Variants in ELAPOR2 observed in about 807,000 individuals in gnomAD.
The protein encoded by ELAPOR2 is endosome-lysosome associated apoptosis and autophagy regulator family member 2.
Under a neutral mutation model 120.7 loss-of-function variants are expected in ELAPOR2, and 89 were observed. That is an observed-to-expected ratio of 0.74 (90% CI 0.62 to 0.88). The LOEUF (loss-of-function observed/expected upper bound fraction) is 0.88, where lower values mean the gene tolerates loss of function less well. Ranked by LOEUF, ELAPOR2 falls within the 40% of genes least tolerant of loss-of-function variation. The pLI, the probability that ELAPOR2 is intolerant of heterozygous loss-of-function variation, is 0.00. For synonymous variants in ELAPOR2, 444 were observed against 444.9 expected (o/e 1.00, Z 0.03); for missense variants, 1,134 against 1,251.6 (o/e 0.91, Z 1.42).
At chr7:87,050,718 G>A (rs927754886) in intron 1 of ELAPOR2, among the ~76,000 whole-genome samples, 1 of 152,176 alleles carries the variant, frequency 6.6e-6, no homozygotes, top group African/African-American at 2.4e-5. Context: ...CTATCTCTGA[G>A]CTGCACTGTG....
chr7:86,939,017 C>A, intron 6 of ELAPOR2, 57 bp from the exon 7 acceptor site: 1 of 1,590,776 alleles, frequency 6.3e-7, no homozygotes, highest in South Asian at 1.1e-5. Context: ...ATAAGCAAAT[C>A]AGCACCTACT....
intron 1 of ELAPOR2, among the ~76,000 whole-genome samples, chr7:87,050,475 C>T (rs1213443115): frequency 6.6e-6 from 1 of 152,168 alleles, no homozygotes; most frequent in African/African-American, 2.4e-5. Context: ...TTGCCTTCCA[C>T]CATGACTGTA....
intron 20 of ELAPOR2, among the ~76,000 whole-genome samples, chr7:86,892,517 G>GT (rs954364136): frequency 1.9e-4 from 29 of 151,656 alleles, no homozygotes; most frequent in Middle Eastern, 3.4e-3. Context: ...ACTAGGTCTG[G>GT]TTTTTTTTGC....
intron 1 of ELAPOR2, among the ~76,000 whole-genome samples, chr7:86,967,711 T>C (rs1791959934): frequency 6.6e-6 from 1 of 152,146 alleles, no homozygotes; most frequent in African/African-American, 2.4e-5. Flanking sequence ...GGAAAAGGTA[T>C]TGTGTTTTCT....
At chr7:86,946,588 T>G (rs182097190) in intron 3 of ELAPOR2, among the ~76,000 whole-genome samples, 2 of 152,224 alleles carry the variant, frequency 1.3e-5, no homozygotes, top group Admixed American at 6.5e-5. Context: ...GGTTTCTCCA[T>G]GTTGGTCAGG....
intron 10 of ELAPOR2, among the ~76,000 whole-genome samples, chr7:86,923,389 C>T (rs893904877): frequency 6.6e-6 from 1 of 151,782 alleles, no homozygotes; most frequent in African/African-American, 2.4e-5. Context: ...CACACGTACC[C>T]CCAAAATATA....
intron 1 of ELAPOR2, among the ~76,000 whole-genome samples, chr7:87,002,245 T>C (rs930721855): frequency 6.6e-6 from 1 of 152,134 alleles, no homozygotes; most frequent in Non-Finnish European, 1.5e-5. Flanking sequence ...TTATGCACAG[T>C]TACTAGTTGT....
In ELAPOR2 at chr7:86,926,920, C is replaced by CAAA. The variant is rs397698585; in HGVS notation, c.1090-7_1090-5dup. 6.0e-3 allele frequency: 5,280 copies of CAAA among 886,748 alleles called. 50 individuals are homozygous for CAAA. The highest frequency in any genetic ancestry group is 0.037 in the African/African-American group (1,265 of 33,966). 54.9% of individuals were successfully genotyped at this position (886,748 alleles called of 1,614,324 possible). ...TCCACTTGTACATTATCTGTGTCTACAAAAAAAAAAAAAAAAAAAAAGCAA... is the reference window on the plus strand; with the variant it reads ...TCCACTTGTACATTATCTGTGTCTACAAAAAAAAAAAAAAAAAAAAAAAAGCAA... On this transcript the variant is annotated splice_polypyrimidine_tract_variant and splice_region_variant and intron_variant, in intron 8 of 21. Coordinates refer to ENST00000450689, the MANE Select transcript of ELAPOR2 (RefSeq NM_001142749.3).
intron 1 of ELAPOR2, among the ~76,000 whole-genome samples, chr7:86,978,183 T>A (rs573452375): frequency 6.6e-6 from 1 of 152,318 alleles, no homozygotes; most frequent in African/African-American, 2.4e-5. Context: ...ATCTGGCGTT[T>A]CCACTGCTTG....
Position 86,947,739 on chromosome 7 carries a change from T to G in ELAPOR2, c.494A>C (p.Asp165Ala), listed in dbSNP as rs1419310081. The G allele has an allele frequency of 6.4e-7, 1 of 1,551,312 alleles. No individual in the cohort carries two copies. Among genetic ancestry groups the G allele is most frequent in the South Asian group, 1.2e-5 (1 of 84,030 alleles). Residue 165 changes from aspartate (D) to alanine (A), a missense_variant, in exon 3 of 22, where the codon GAC becomes GCC. Around this residue, in one of 3 missense-constraint regions of ELAPOR2, gnomAD observed 280 missense variants for 331.5 expected, o/e 0.84. Coordinates refer to ENST00000450689, the MANE Select transcript of ELAPOR2 (RefSeq NM_001142749.3). ...TVVGPSDSRP[D>A]GCNNSSWIPR... ...TTTGGATTCTTACTTGTTACAGCCG[T>G]CTGGCCTGCTGTCAGAAGGGCCCAC...
rs1292758682 is a variant in ELAPOR2 at position 86,944,922 on chromosome 7, T to C, written c.631A>G (p.Asn211Asp). ...YVFFEYQYVD[N>D]NIFFEFFIQN... ...ACAAAGAACTCAAAGAAGATGTTGT[T>C]GTCGACATACTGGTACTCAAAGAAG... Residue 211 changes from asparagine to aspartate, a missense_variant, in exon 4 of 22, where the codon AAC becomes GAC. Physicochemically the swap from Asn to Asp is conservative, Grantham distance 23. Coordinates refer to ENST00000450689, the MANE Select transcript of ELAPOR2 (RefSeq NM_001142749.3). 2.6e-6 allele frequency: 4 copies of C among 1,547,104 alleles called. No homozygotes were observed. Among genetic ancestry groups the C allele is most frequent in the Admixed American group, 4.0e-5 (2 of 49,604 alleles).
At chr7:86,901,394 C>G in intron 18 of ELAPOR2, among the ~76,000 whole-genome samples, 1 of 152,116 alleles carries the variant, frequency 6.6e-6, no homozygotes. Flanking sequence ...GAGAGATGAG[C>G]TATTAGTGTC....
At chr7:87,058,215 A>C (rs1795322123) in intron 1 of ELAPOR2, among the ~76,000 whole-genome samples, 1 of 152,216 alleles carries the variant, frequency 6.6e-6, no homozygotes, top group Non-Finnish European at 1.5e-5. Flanking sequence ...TAGAACACAG[A>C]TACTCTGTAA....
chr7:87,018,992 A>T (rs1268161999), intron 1 of ELAPOR2, among the ~76,000 whole-genome samples: 1 of 152,220 alleles, frequency 6.6e-6, no homozygotes, highest in East Asian at 1.9e-4. Flanking sequence ...AAAACATGTG[A>T]GCAAGGCAGA....
rs564539353 is a variant in ELAPOR2 at position 86,895,390 on chromosome 7, T to C, written c.2685+2116A>G. The stretch of plus-strand genomic sequence containing the variant: ...TCTATGAACTCAGGAATGACATTCA[T>C]AGTTTTGTAACTGAAGCTCAAGCTC... On this transcript the variant is annotated intron_variant, in intron 19 of 21. Coordinates refer to ENST00000450689, the MANE Select transcript of ELAPOR2 (RefSeq NM_001142749.3). Among the ~76,000 whole-genome samples, 11 of 152,228 alleles carry C rather than the reference T, an allele frequency of 7.2e-5. No individual in the cohort carries two copies. In the South Asian group the frequency reaches 2.3e-3, roughly 32 times the overall value.
At chr7:86,997,576 T>C (rs1793166758) in intron 1 of ELAPOR2, among the ~76,000 whole-genome samples, 2 of 152,192 alleles carry the variant, frequency 1.3e-5, no homozygotes, top group Non-Finnish European at 1.5e-5. Flanking sequence ...TGGGAAGATG[T>C]AGAGCCATTA....
At chr7:86,985,639 G>A (rs1466358498) in intron 1 of ELAPOR2, among the ~76,000 whole-genome samples, 2 of 151,806 alleles carry the variant, frequency 1.3e-5, no homozygotes, top group African/African-American at 4.8e-5. Flanking sequence ...AAAATTCAGG[G>A]CCCCTCATGC....
chr7:86,944,183 G>T (rs1790908623), intron 4 of ELAPOR2, among the ~76,000 whole-genome samples: 1 of 152,048 alleles, frequency 6.6e-6, no homozygotes, highest in East Asian at 1.9e-4. Flanking sequence ...GGTATAAGAA[G>T]TCAATCTGAG....
At chr7:86,911,283 A>C (rs1789296752) in intron 15 of ELAPOR2, among the ~76,000 whole-genome samples, 1 of 152,148 alleles carries the variant, frequency 6.6e-6, no homozygotes, top group Non-Finnish European at 1.5e-5. Flanking sequence ...AAAACAGGAC[A>C]GCTGTCATAC....
Sources: allele counts gnomAD v4.1 joint callset (sites outside exome capture counted in the v4.1 genomes callset), GRCh38; gene constraint gnomAD v4.1.1; regional missense constraint gnomAD v4.1.1; transcripts MANE v1.5; gene names NCBI Gene and HGNC (gene_info 2026-07-23, HGNC 2026-07-21).